Variants in ZNF107 observed in about 807,000 individuals in gnomAD.
ZNF107 encodes the protein C2H2 type zinc-finger protein.
A neutral mutation model predicts 12.3 loss-of-function variants in ZNF107; 19 were observed. The observed-to-expected ratio is 1.55, with a 90% CI of 1.08 to 2.27. The LOEUF (loss-of-function observed/expected upper bound fraction) is 2.27. ZNF107 is among the 30% of genes most tolerant of loss of function. The pLI, the probability that ZNF107 is intolerant of heterozygous loss-of-function variation, is 0.00. For synonymous variants in ZNF107, 317 were observed against 330.5 expected, an observed-to-expected ratio of 0.96 and a Z score of 0.44; for missense variants, 958 against 979.9, an observed-to-expected ratio of 0.98 and a Z score of 0.30.
chr7:64,701,013 G>A (rs1317460153), intron 3 of ZNF107, among the ~76,000 whole-genome samples: 3 of 152,034 alleles, frequency 2.0e-5, no homozygotes, highest in Non-Finnish European at 4.4e-5. Context: ...CTTCATTTTT[G>A]TCAGTATTTT....
chr7:64,698,653 T>C (rs940157321), intron 3 of ZNF107, among the ~76,000 whole-genome samples: 1 of 152,140 alleles, frequency 6.6e-6, no homozygotes, highest in Non-Finnish European at 1.5e-5. Flanking sequence ...ACTTCTGACC[T>C]CAGGTGATCT....
intron 1 of ZNF107, among the ~76,000 whole-genome samples, chr7:64,672,116 C>G (rs188305487): frequency 1.0e-3 from 154 of 152,062 alleles, no homozygotes; most frequent in African/African-American, 3.4e-3. Flanking sequence ...CACCTTCCAC[C>G]CTCAGCTAGG....
intron 1 of ZNF107, among the ~76,000 whole-genome samples, chr7:64,680,084 A>T (rs1562827842): frequency 6.6e-6 from 1 of 151,502 alleles, no homozygotes; most frequent in Non-Finnish European, 1.5e-5. Flanking sequence ...GCCTCCCTAT[A>T]TCCCTTCTGT....
intron 3 of ZNF107, among the ~76,000 whole-genome samples, chr7:64,703,707 G>A (rs748312971): frequency 3.3e-5 from 5 of 152,194 alleles, no homozygotes; most frequent in South Asian, 4.1e-4. Context: ...GGGATTAAAG[G>A]TCTGAGCCAC....
Position 64,682,109 on chromosome 7 carries a change from T to C in ZNF107, c.4-9139T>C, listed in dbSNP as rs543486661. 1.4e-3 allele frequency among the ~76,000 whole-genome samples: 38 copies of C among 27,506 alleles called. No homozygotes were observed. The East Asian group carries it at 0.041, about 30-fold the overall frequency. 18.0% of individuals were successfully genotyped at this position (27,506 alleles called of 152,430 possible). On this transcript the variant is annotated intron_variant, in intron 1 of 3. Transcript: ENST00000620827. ...GCCTTCCTTTTCCTACCTCATCCAG[T>C]ATGTCGATGATCTCTGCAGTCTCTC... is the stretch of plus-strand genomic sequence containing the variant.
At chr7:64,671,554 G>A (rs1789221800) in intron 1 of ZNF107, among the ~76,000 whole-genome samples, 1 of 152,106 alleles carries the variant, frequency 6.6e-6, no homozygotes, top group African/African-American at 2.4e-5. Flanking sequence ...TCAGAGGACA[G>A]CCCCATCTGG....
At chr7:64,686,663 A>G in intron 1 of ZNF107, 1 of 984,212 alleles carries the variant, frequency 1.0e-6, no homozygotes, top group Non-Finnish European at 1.2e-6. Flanking sequence ...GACTTCCTGG[A>G]ACCAGAAAAC....
At chr7:64,679,239 G>GT (rs1191876747) in intron 1 of ZNF107, 37 of 984,896 alleles carry the variant, frequency 3.8e-5, no homozygotes, top group Non-Finnish European at 4.3e-5. Context: ...TGGGAGTCGT[G>GT]TCCCTTAACC....
rs1231141347 is a variant in ZNF107 at position 64,666,257 on chromosome 7, C to T, written c.-26C>T. 2.5e-6 allele frequency: 4 copies of T among 1,608,602 alleles called. No homozygotes were observed. The highest frequency in any genetic ancestry group is 3.4e-6 in the Non-Finnish European group (4 of 1,177,030). ...GATATTGGGAGATCCACAGCTAAGA[C>T]GCCGGGACTCCCTGGAAACCTAGAA... On this transcript the variant is annotated 5_prime_UTR_variant, in exon 1 of 4. In the 5' UTR this introduces an upstream ATG that the reference lacks. Transcript: ENST00000620827.
intron 1 of ZNF107, among the ~76,000 whole-genome samples, chr7:64,675,747 C>G (rs1186075938): frequency 6.6e-6 from 1 of 152,006 alleles, no homozygotes; most frequent in African/African-American, 2.4e-5. Flanking sequence ...TATAAATTTC[C>G]CTCTTAACAC....
chr7:64,688,641 T>C lies in ZNF107; in HGVS notation c.4-2607T>C, dbSNP rs148042544. Among the ~76,000 whole-genome samples, 14 of 152,268 alleles carry C rather than the reference T, an allele frequency of 9.2e-5. 1 individual carries two copies. The East Asian group carries it at 2.5e-3, about 27-fold the overall frequency. ...CCCATCCAGGAACTAAATTTGCAGC[T>C]CCAAATTCTGAATCAGGGTCTTAAG... On this transcript the variant is annotated intron_variant, in intron 1 of 3. Transcript: ENST00000620827.
At chr7:64,700,375 T>C (rs1327753918) in intron 3 of ZNF107, among the ~76,000 whole-genome samples, 1 of 152,162 alleles carries the variant, frequency 6.6e-6, no homozygotes, top group African/African-American at 2.4e-5. Context: ...TCTATTACCA[T>C]GTGATATGTG....
At chr7:64,669,136 C>A (rs1405282096) in intron 1 of ZNF107, 1 of 149,704 alleles carries the variant, frequency 6.7e-6, no homozygotes, top group Non-Finnish European at 1.5e-5. Flanking sequence ...CTGCCTCAAC[C>A]TCGCAAGTAG....
At chr7:64,704,807 C>G (rs1790586098) in intron 3 of ZNF107, among the ~76,000 whole-genome samples, 1 of 152,120 alleles carries the variant, frequency 6.6e-6, no homozygotes, top group East Asian at 1.9e-4. Context: ...TCCCAAGTAG[C>G]TGGGAGTACA....
chr7:64,667,951 CAAAA>C (rs56005729), intron 1 of ZNF107, among the ~76,000 whole-genome samples: 2 of 138,900 alleles, frequency 1.4e-5, no homozygotes, highest in Non-Finnish European at 3.1e-5. Flanking sequence ...TTCCAGAAGA[CAAAA>C]AAAAAAAAAA....
intron 1 of ZNF107, among the ~76,000 whole-genome samples, chr7:64,678,397 G>T (rs75831757): frequency 0.047 from 7,131 of 152,200 alleles, 449 homozygotes; most frequent in African/African-American, 0.14. Context: ...TGTATGAACC[G>T]AACAGTGGAG....
At chr7:64,702,737 A>C (rs1197436440) in intron 3 of ZNF107, among the ~76,000 whole-genome samples, 1 of 151,866 alleles carries the variant, frequency 6.6e-6, no homozygotes, top group Non-Finnish European at 1.5e-5. Flanking sequence ...TTGTATTTTT[A>C]GTAGAGACGG....
At chr7:64,693,165 AT>A (rs34734604) in intron 3 of ZNF107, among the ~76,000 whole-genome samples, 4,313 of 110,062 alleles carry the variant, frequency 0.039, 92 homozygotes, top group Admixed American at 0.078. Flanking sequence ...CACTCAGCTA[AT>A]TTTTTTTTTT....
intron 3 of ZNF107, 69 bp downstream of exon 3, chr7:64,692,029 G>T: frequency 9.3e-7 from 1 of 1,079,054 alleles, no homozygotes; most frequent in South Asian, 1.9e-5. Context: ...GAAAAAGCCA[G>T]TCCTTAAAAT....
Sources: allele counts gnomAD v4.1 joint callset (sites outside exome capture counted in the v4.1 genomes callset), GRCh38; gene constraint gnomAD v4.1.1; transcripts MANE v1.5; gene names NCBI Gene and HGNC (gene_info 2026-07-23, HGNC 2026-07-21).